Variants in TNNI3K observed in about 807,000 individuals in gnomAD.
TNNI3K encodes serine/threonine-protein kinase TNNI3K.
TNNI3K carries 140 observed loss-of-function variants against 114.5 expected under a neutral mutation model. The ratio of observed to expected loss-of-function variants is 1.22; its 90% confidence interval spans 1.07 to 1.41. The LOEUF (loss-of-function observed/expected upper bound fraction) is 1.41. TNNI3K is among the 40% of genes most tolerant of loss of function. TNNI3K has a pLI of 0.00. For synonymous variants in TNNI3K, 347 were observed against 347.5 expected (o/e 1.00, Z 0.02); for missense variants, 1,125 against 1,007.6 (o/e 1.12, Z -1.58).
chr1:74,277,366 TC>T (rs1656747106), intron 5 of TNNI3K, among the ~76,000 whole-genome samples: 1 of 152,052 alleles, frequency 6.6e-6, no homozygotes, highest in African/African-American at 2.4e-5. Context: ...CAGAGACTCT[TC>T]TGTTTATTGC....
chr1:74,526,815 C>A (rs1054020512), intron 23 of TNNI3K, among the ~76,000 whole-genome samples: 1 of 151,978 alleles, frequency 6.6e-6, no homozygotes, highest in Non-Finnish European at 1.5e-5. Context: ...TTATCTGACA[C>A]TCTAAAGAAG....
At chr1:74,488,491 T>A (rs1370305669) in intron 21 of TNNI3K, among the ~76,000 whole-genome samples, 2 of 152,214 alleles carry the variant, frequency 1.3e-5, no homozygotes, top group African/African-American at 2.4e-5. Context: ...AGTTTTAGGA[T>A]CTGACAAAAG....
intron 5 of TNNI3K, among the ~76,000 whole-genome samples, chr1:74,316,530 G>A (rs1288454630): frequency 2.6e-5 from 4 of 151,802 alleles, no homozygotes; most frequent in Admixed American, 6.6e-5. Flanking sequence ...TTCTCTACCC[G>A]GACTTTTCTT....
intron 7 of TNNI3K, among the ~76,000 whole-genome samples, chr1:74,337,070 T>C (rs894136364): frequency 1.3e-5 from 2 of 150,904 alleles, no homozygotes. Context: ...TATCTCATTG[T>C]GGTTTTGATT....
intron 5 of TNNI3K, among the ~76,000 whole-genome samples, chr1:74,290,344 C>T (rs1204077871): frequency 6.6e-6 from 1 of 151,202 alleles, no homozygotes; most frequent in Non-Finnish European, 1.5e-5. Context: ...AAACCCAGCA[C>T]CAATATATAA....
chr1:74,507,447 C>G (rs909797926), intron 23 of TNNI3K, among the ~76,000 whole-genome samples: 6 of 152,142 alleles, frequency 3.9e-5, no homozygotes, highest in African/African-American at 1.4e-4. Flanking sequence ...CACATGCGCA[C>G]GCACTTACAC....
intron 4 of TNNI3K, among the ~76,000 whole-genome samples, chr1:74,271,030 G>A (rs1296147884): frequency 6.6e-6 from 1 of 151,454 alleles, no homozygotes; most frequent in Non-Finnish European, 1.5e-5. Flanking sequence ...CTGGTAAAAC[G>A]AGTCAAGTTA....
intron 17 of TNNI3K, chr1:74,374,351 T>C (rs919445040): frequency 6.6e-6 from 1 of 151,944 alleles, no homozygotes; most frequent in African/African-American, 2.4e-5. Flanking sequence ...TTTTTCATGC[T>C]TTCATTTAAC....
At chr1:74,539,514 C>T (rs1048523179) in intron 23 of TNNI3K, among the ~76,000 whole-genome samples, 3 of 152,054 alleles carry the variant, frequency 2.0e-5, no homozygotes, top group African/African-American at 7.2e-5. Flanking sequence ...AAGGAAGTGA[C>T]CCCATTTACC....
intron 5 of TNNI3K, among the ~76,000 whole-genome samples, chr1:74,289,750 C>G (rs918820736): frequency 3.9e-5 from 6 of 151,912 alleles, no homozygotes; most frequent in Non-Finnish European, 8.8e-5. Flanking sequence ...CCCCTAACCT[C>G]ATACTTAGAA....
intron 21 of TNNI3K, chr1:74,471,474 G>C (rs1667929718): frequency 2.5e-6 from 1 of 400,516 alleles, no homozygotes; most frequent in African/African-American, 2.1e-5. Context: ...TTAATTTTAA[G>C]TTTTGTCCTT....
At chr1:74,242,907 C>T (rs956825239) in intron 2 of TNNI3K, among the ~76,000 whole-genome samples, 5 of 151,858 alleles carry the variant, frequency 3.3e-5, no homozygotes, top group Middle Eastern at 3.2e-3. Context: ...ATCTGTAGCT[C>T]GCTATCTTTC....
chr1:74,273,335 A>G (rs1656472514), intron 5 of TNNI3K, among the ~76,000 whole-genome samples: 1 of 152,044 alleles, frequency 6.6e-6, no homozygotes, highest in Non-Finnish European at 1.5e-5. Flanking sequence ...GGGAAATTCC[A>G]TTAGATTCAC....
At chr1:74,461,276 C>G in intron 20 of TNNI3K, among the ~76,000 whole-genome samples, 1 of 152,034 alleles carries the variant, frequency 6.6e-6, no homozygotes, top group Non-Finnish European at 1.5e-5. Flanking sequence ...GTCAGGAGAT[C>G]GAGACCATCC....
At chr1:74,480,285 C>T in intron 21 of TNNI3K, 1 of 717,552 alleles carries the variant, frequency 1.4e-6, no homozygotes, top group Non-Finnish European at 2.6e-6. Context: ...ACACTCTGTG[C>T]AGCTGCCACA....
At chr1:74,360,955 T>C (rs1463467496) in intron 11 of TNNI3K, among the ~76,000 whole-genome samples, 1 of 152,048 alleles carries the variant, frequency 6.6e-6, no homozygotes, top group Admixed American at 6.6e-5. Context: ...TCCTAATAGA[T>C]ATTCATGCTT....
intron 11 of TNNI3K, among the ~76,000 whole-genome samples, chr1:74,365,807 T>C (rs1000513260): frequency 6.6e-6 from 1 of 152,086 alleles, no homozygotes; most frequent in Non-Finnish European, 1.5e-5. Context: ...CGTTATTTCA[T>C]TATAACTTAT....
intron 23 of TNNI3K, among the ~76,000 whole-genome samples, chr1:74,496,490 C>T (rs984988432): frequency 6.6e-6 from 1 of 152,128 alleles, no homozygotes; most frequent in African/African-American, 2.4e-5. Flanking sequence ...CACCTCAACA[C>T]TGTCTTGAGA....
intron 5 of TNNI3K, among the ~76,000 whole-genome samples, 163 bp downstream of exon 5, chr1:74,271,871 TAGTCAATTC>T (rs1218808859): frequency 6.6e-6 from 1 of 151,948 alleles, no homozygotes; most frequent in Non-Finnish European, 1.5e-5. Context: ...GAGCTTTGGA[TAGTCAATTC>T]AGTCAATTTT....
Sources: allele counts gnomAD v4.1 joint callset (sites outside exome capture counted in the v4.1 genomes callset), GRCh38; gene constraint gnomAD v4.1.1; transcripts MANE v1.5; gene names NCBI Gene and HGNC (gene_info 2026-07-23, HGNC 2026-07-21).